The following SLC18A2 variants were observed in gnomAD, a reference collection of about 807,000 sequenced individuals.
SLC18A2 encodes solute carrier family 18 member A2.
SLC18A2 carries 33 observed loss-of-function variants against 59.2 expected under a neutral mutation model. That is an observed-to-expected ratio of 0.56 (90% CI 0.42 to 0.75). SLC18A2 has a LOEUF of 0.75. Among genes scored for constraint, SLC18A2 ranks in the 30% least tolerant of loss-of-function variants. The probability of loss-of-function intolerance (pLI) is 0.00; values close to 1 mark genes in which losing one functional copy is unlikely to be tolerated. For synonymous variants in SLC18A2, 228 were observed against 253.5 expected (o/e 0.90, Z 0.95); for missense variants, 569 against 668.6 (o/e 0.85, Z 1.64).
Position 117,241,685 on chromosome 10 carries a change from C to A in SLC18A2, c.-9C>A, listed in dbSNP as rs756636786. ...CCGCGCACCGCGCCCGCAGCGGAGC[C>A]CCGGAGCCATGGCCCTGAGCGAGCT... On this transcript the variant is annotated 5_prime_UTR_variant, in exon 2 of 16. Transcript: ENST00000644641. 23 of 1,577,936 alleles carry A rather than the reference C, an allele frequency of 1.5e-5. No individual in the cohort carries two copies. The highest frequency in any genetic ancestry group is 1.8e-5 in the Non-Finnish European group (21 of 1,164,126).
At chr10:117,259,924 C>G (rs1844275464) in intron 10 of SLC18A2, among the ~76,000 whole-genome samples, 1 of 152,212 alleles carries the variant, frequency 6.6e-6, no homozygotes, top group African/African-American at 2.4e-5. Flanking sequence ...CCTATTTTCT[C>G]TCCTGTTTTA....
chr10:117,254,566 C>T (rs920575484), intron 6 of SLC18A2, 69 bp downstream of exon 6: 34 of 1,136,210 alleles, frequency 3.0e-5, no homozygotes, highest in African/African-American at 2.3e-4. Flanking sequence ...CGGCAGTCCT[C>T]GCCCAGTGAC....
In SLC18A2 at chr10:117,244,153, G is replaced by T. The variant is rs1438049342; in HGVS notation, c.304G>T (p.Ala102Ser). The change falls in exon 3 of 16, where the codon GCC (alanine) becomes TCC (serine). Residue 102 changes from alanine (A) to serine (S), a missense_variant. Around this residue, in one of 2 missense-constraint regions of SLC18A2, gnomAD observed 377 missense variants for 389.8 expected, o/e 0.97. Coordinates refer to ENST00000644641, the MANE Select transcript of SLC18A2 (RefSeq NM_003054.6). Reference sequence around the variant, plus strand: ...CAGAGACCTGACACTTCATCAGACCGCCACACAGCACATGGTGACCAACGC... The same window carrying T: ...CAGAGACCTGACACTTCATCAGACCTCCACACAGCACATGGTGACCAACGC... ...ATRDLTLHQT[A>S]TQHMVTNASA... 2.0e-5 allele frequency: 33 copies of T among 1,614,146 alleles called. No individual in the cohort carries two copies. The highest frequency in any genetic ancestry group is 2.7e-5 in the Non-Finnish European group (32 of 1,180,034).
At position 117,267,845 on chromosome 10, in the gene SLC18A2, G is replaced by T. The variant is rs944911461; in HGVS notation, c.1186+109G>T. 2.0e-5 allele frequency: 16 copies of T among 796,688 alleles called. No homozygotes were observed. The Admixed American group carries it at 2.9e-4, about 15-fold the overall frequency. The allele number at this position is 796,688 out of a possible 1,614,324, so 49.4% of individuals were successfully genotyped here. A position where few individuals can be genotyped will look rare whatever the true frequency, so the allele number is the denominator to read the frequency against. On this transcript the variant is annotated intron_variant, in intron 13 of 15. Coordinates refer to ENST00000644641, the MANE Select transcript of SLC18A2 (RefSeq NM_003054.6). ...CTCAACCTAAATTTCCAGAATCTTA[G>T]AAGGAGGCTGCAGGCAGCTTAGCTA...
intron 15 of SLC18A2, among the ~76,000 whole-genome samples, chr10:117,270,865 A>G (rs1009232117): frequency 6.6e-6 from 1 of 152,204 alleles, no homozygotes; most frequent in Non-Finnish European, 1.5e-5. Context: ...AGCATTCAGT[A>G]ATAGTTGCTG....
chr10:117,253,353 A>G, intron 3 of SLC18A2, 46 bp from the exon 4 acceptor site: 1 of 1,446,456 alleles, frequency 6.9e-7, no homozygotes, highest in African/African-American at 1.4e-5. Flanking sequence ...AGCCTTAAAA[A>G]AATAGCCTGC....
chr10:117,266,501 G>A lies in SLC18A2; in HGVS notation c.992-232G>A, dbSNP rs77534904. Among the ~76,000 whole-genome samples, 439 of 152,358 alleles carry A rather than the reference G, an allele frequency of 2.9e-3. 11 individuals are homozygous for A. The East Asian group carries it at 0.064, about 22-fold the overall frequency. On this transcript the variant is annotated intron_variant, in intron 10 of 15. Coordinates refer to ENST00000644641, the MANE Select transcript of SLC18A2 (RefSeq NM_003054.6). ...CCAGAGATGGAGGCAAGATGAAGCA[G>A]TTGATAGAGAAAGGACTTTCATTTC... is the stretch of plus-strand genomic sequence containing the variant.
intron 10 of SLC18A2, among the ~76,000 whole-genome samples, chr10:117,261,195 A>AAAAACAAAAC (rs140069884): frequency 7.5e-5 from 3 of 40,034 alleles, no homozygotes; most frequent in African/African-American, 1.2e-4. Context: ...CTGTCTCTAC[A>AAAAACAAAAC]AAAACAAAAC....
intron 3 of SLC18A2, among the ~76,000 whole-genome samples, chr10:117,247,213 G>A (rs1038239296): frequency 1.3e-5 from 2 of 152,194 alleles, no homozygotes; most frequent in African/African-American, 4.8e-5. Flanking sequence ...TGAGCAAGAT[G>A]TATGACTCAA....
intron 3 of SLC18A2, among the ~76,000 whole-genome samples, chr10:117,249,341 C>T (rs550071475): frequency 1.5e-4 from 23 of 152,242 alleles, no homozygotes; most frequent in Non-Finnish European, 2.6e-4. Context: ...GTGAGAAGTC[C>T]GTGCCCCCTG....
intron 15 of SLC18A2, among the ~76,000 whole-genome samples, chr10:117,274,064 T>TC (rs1240976028): frequency 6.6e-6 from 1 of 152,194 alleles, no homozygotes; most frequent in Non-Finnish European, 1.5e-5. Flanking sequence ...CCCTACTTGT[T>TC]CCCCGGGCAC....
At chr10:117,260,980 A>G (rs1844288461) in intron 10 of SLC18A2, among the ~76,000 whole-genome samples, 1 of 152,196 alleles carries the variant, frequency 6.6e-6, no homozygotes, top group African/African-American at 2.4e-5. Flanking sequence ...CTGGCAAGGA[A>G]TGTGCTTTGC....
chr10:117,253,093 A>AT (rs907351113), intron 3 of SLC18A2, among the ~76,000 whole-genome samples: 1 of 152,200 alleles, frequency 6.6e-6, no homozygotes, highest in African/African-American at 2.4e-5. Context: ...TAAAGGAATC[A>AT]TTTTTTAAAA....
At position 117,241,683 on chromosome 10, in the gene SLC18A2, G is replaced by A. The variant is rs767930857; in HGVS notation, c.-11G>A. 7 of 1,574,784 alleles carry A rather than the reference G, an allele frequency of 4.4e-6. No individual in the cohort carries two copies. In the Admixed American group the frequency reaches 1.3e-4, roughly 29 times the overall value. On this transcript the variant is annotated 5_prime_UTR_variant, in exon 2 of 16. Transcript: ENST00000644641. The stretch of plus-strand genomic sequence containing the variant: ...CACCGCGCACCGCGCCCGCAGCGGA[G>A]CCCCGGAGCCATGGCCCTGAGCGAG...
At chr10:117,261,868 G>A (rs1021002508) in intron 10 of SLC18A2, among the ~76,000 whole-genome samples, 3 of 152,178 alleles carry the variant, frequency 2.0e-5, no homozygotes, top group African/African-American at 7.2e-5. Flanking sequence ...TCAACTCTGT[G>A]AATACACTAA....
At chr10:117,241,896 C>T (rs963544641) in intron 2 of SLC18A2, 82 bp downstream of exon 2, 3 of 1,342,636 alleles carry the variant, frequency 2.2e-6, no homozygotes, top group South Asian at 1.4e-5. Context: ...CCTGCGCGGT[C>T]CCGGAGCTCC....
chr10:117,271,610 G>T (rs892396069), intron 15 of SLC18A2, among the ~76,000 whole-genome samples: 3 of 152,154 alleles, frequency 2.0e-5, no homozygotes, highest in Non-Finnish European at 2.9e-5. Context: ...CATGGAAAAG[G>T]TATGGAAGGT....
At chr10:117,273,284 A>G (rs1338457691) in intron 15 of SLC18A2, among the ~76,000 whole-genome samples, 1 of 152,202 alleles carries the variant, frequency 6.6e-6, no homozygotes, top group Non-Finnish European at 1.5e-5. Flanking sequence ...GGAAATATCA[A>G]CATTACCATT....
chr10:117,246,828 T>C (rs1844114920), intron 3 of SLC18A2, among the ~76,000 whole-genome samples: 1 of 152,140 alleles, frequency 6.6e-6, no homozygotes, highest in African/African-American at 2.4e-5. Context: ...ATTTTTTGTA[T>C]TTTTTGGTAG....
Sources: allele counts gnomAD v4.1 joint callset (sites outside exome capture counted in the v4.1 genomes callset), GRCh38; gene constraint gnomAD v4.1.1; regional missense constraint gnomAD v4.1.1; transcripts MANE v1.5; gene names NCBI Gene and HGNC (gene_info 2026-07-23, HGNC 2026-07-21).